SLC8B1: variants seen among roughly 807,000 people sequenced by gnomAD.
SLC8B1 encodes solute carrier family 8 member B1.
SLC8B1 carries 52 observed loss-of-function variants against 63.4 expected under a neutral mutation model. That is an observed-to-expected ratio of 0.82 (90% CI 0.66 to 1.03). The LOEUF (loss-of-function observed/expected upper bound fraction) is 1.03, where lower values mean the gene tolerates loss of function less well. SLC8B1 is among the 50% of genes least tolerant of loss of function. The probability of loss-of-function intolerance (pLI) is 0.00; values close to 1 mark genes in which losing one functional copy is unlikely to be tolerated. For missense variants in SLC8B1, 657 were observed against 741.7 expected, an observed-to-expected ratio of 0.89 and a Z score of 1.33; for synonymous variants, 336 against 323.9, an observed-to-expected ratio of 1.04 and a Z score of -0.40.
chr12:113,311,779 C>A (rs1335467274), intron 11 of SLC8B1, among the ~76,000 whole-genome samples: 7 of 146,062 alleles, frequency 4.8e-5, no homozygotes, highest in African/African-American at 1.8e-4. Flanking sequence ...TCACAGCTCA[C>A]TGCAGCCTCA....
At chr12:113,315,112 C>T (rs1956816376) in intron 11 of SLC8B1, among the ~76,000 whole-genome samples, 1 of 152,130 alleles carries the variant, frequency 6.6e-6, no homozygotes, top group Admixed American at 6.5e-5. Context: ...ATGGTGAAAC[C>T]CCGTCTCTGT....
rs1035097900 is a variant in SLC8B1, at chr12:113,319,678, T to C, written c.695-607A>G. On this transcript the variant is annotated intron_variant, in intron 7 of 15. Coordinates refer to ENST00000680972, the MANE Select transcript of SLC8B1 (RefSeq NM_001358345.2). The stretch of plus-strand genomic sequence containing the variant: ...TGGTTTCATTTTCCTTCTGTACAAA[T>C]TGTCCCTCCATTCATACCCCTTGAG... Among the ~76,000 whole-genome samples, 7 of 152,306 alleles carry C rather than the reference T, an allele frequency of 4.6e-5. No individual in the cohort carries two copies. The East Asian group carries it at 7.7e-4, about 17-fold the overall frequency.
At chr12:113,316,085 G>T (rs558595254) in intron 10 of SLC8B1, among the ~76,000 whole-genome samples, 1 of 152,072 alleles carries the variant, frequency 6.6e-6, no homozygotes, top group East Asian at 1.9e-4. Flanking sequence ...TTAGCCAGGC[G>T]TGGTGGCGGG....
At chr12:113,321,745 C>T (rs1029421371) in intron 2 of SLC8B1, among the ~76,000 whole-genome samples, 1 of 151,078 alleles carries the variant, frequency 6.6e-6, no homozygotes, top group Non-Finnish European at 1.5e-5. Context: ...ATGGATCCAT[C>T]CCAAATCTCT....
chr12:113,332,145 C>T (rs976456492), intron 2 of SLC8B1, among the ~76,000 whole-genome samples: 1 of 152,206 alleles, frequency 6.6e-6, no homozygotes, highest in South Asian at 2.1e-4. Context: ...ATATCACCCC[C>T]TCACAGAAGC....
chr12:113,301,730 G>A (rs1389861955), intron 15 of SLC8B1, among the ~76,000 whole-genome samples: 2 of 152,156 alleles, frequency 1.3e-5, no homozygotes, highest in Non-Finnish European at 2.9e-5. Flanking sequence ...AGGCACTGTC[G>A]TCTTTGATCT....
At chr12:113,328,426 C>T (rs763129256) in intron 2 of SLC8B1, among the ~76,000 whole-genome samples, 1 of 152,132 alleles carries the variant, frequency 6.6e-6, no homozygotes, top group Non-Finnish European at 1.5e-5. Context: ...TGGCCTCCTA[C>T]CCCCAATCTT....
At chr12:113,310,388 C>A in intron 11 of SLC8B1, 33 bp from the exon 12 acceptor site, 1 of 1,603,280 alleles carries the variant, frequency 6.2e-7, no homozygotes, top group South Asian at 1.1e-5. Context: ...CTGATACCTT[C>A]CCAGCACCTC....
At chr12:113,332,600 T>C in intron 2 of SLC8B1, 123 bp downstream of exon 2, 1 of 1,200,230 alleles carries the variant, frequency 8.3e-7, no homozygotes, top group Non-Finnish European at 1.1e-6. Flanking sequence ...ATTTTGTCTC[T>C]ATTGTTCCCC....
chr12:113,331,905 T>C (rs1957060026), intron 2 of SLC8B1, among the ~76,000 whole-genome samples: 2 of 152,108 alleles, frequency 1.3e-5, no homozygotes, highest in South Asian at 4.1e-4. Flanking sequence ...AGCCGCAGCC[T>C]GTAAGGCCTT....
intron 8 of SLC8B1, 46 bp from the exon 9 acceptor site, chr12:113,317,047 G>T: frequency 6.4e-7 from 1 of 1,561,736 alleles, no homozygotes; most frequent in Non-Finnish European, 8.8e-7. Flanking sequence ...GACCATTTTC[G>T]AGGGGGCACA....
At chr12:113,312,575 C>T (rs1165150553) in intron 11 of SLC8B1, among the ~76,000 whole-genome samples, 15 of 152,152 alleles carry the variant, frequency 9.9e-5, no homozygotes, top group Non-Finnish European at 1.6e-4. Context: ...AGTCACAGCA[C>T]CCCTTCAGGC....
chr12:113,317,047 G>A lies in SLC8B1; in HGVS notation c.803-46C>T, dbSNP rs140482404. On this transcript the variant is annotated intron_variant, in intron 8 of 15. Coordinates refer to ENST00000680972, the MANE Select transcript of SLC8B1 (RefSeq NM_001358345.2). ...TACATACAGAACCCAGACCATTTTCGAGGGGGCACACTGGGACAGAGCAGG... is the reference window on the plus strand; with the variant it reads ...TACATACAGAACCCAGACCATTTTCAAGGGGGCACACTGGGACAGAGCAGG... 7.6e-4 allele frequency: 1,181 copies of A among 1,561,730 alleles called. 9 individuals carry two copies. In the African/African-American group the frequency reaches 0.013, roughly 18 times the overall value.
At chr12:113,317,814 T>C (rs1240230600) in intron 8 of SLC8B1, among the ~76,000 whole-genome samples, 2 of 150,192 alleles carry the variant, frequency 1.3e-5, no homozygotes, top group Non-Finnish European at 2.9e-5. Context: ...TGTGTGTGCA[T>C]GTATTTGTGT....
At chr12:113,319,806 T>A (rs1956895138) in intron 7 of SLC8B1, among the ~76,000 whole-genome samples, 1 of 152,200 alleles carries the variant, frequency 6.6e-6, no homozygotes, top group Admixed American at 6.5e-5. Context: ...TTTCTTTTTT[T>A]TGAGACAGAG....
In SLC8B1 at chr12:113,321,293, T is replaced by C. The variant is rs1593254920; in HGVS notation, c.212A>G (p.Asn71Ser). Residue 71 changes from asparagine (N) to serine (S), a missense_variant, in exon 3 of 16, where the codon AAC (asparagine) becomes AGC (serine). Physicochemically the swap from Asn to Ser is conservative, Grantham distance 46. Coordinates refer to ENST00000680972, the MANE Select transcript of SLC8B1 (RefSeq NM_001358345.2). ...CCCCCCATCACTGTGGCAGTCAGGG[T>C]TGGTCCGGATGAAGTCACAGCGGTC... ...VSDRCDFIRT[N>S]PDCHSDGGYL... The C allele has an allele frequency of 1.2e-6, 2 of 1,614,076 alleles. No individual in the cohort carries two copies. Among genetic ancestry groups the C allele is most frequent in the Non-Finnish European group, 8.5e-7 (1 of 1,180,012 alleles).
rs1956531200 is a variant in SLC8B1, at chr12:113,299,180, GA to G, written c.*596del. 1 of 156,044 alleles carries G rather than the reference GA, an allele frequency of 6.4e-6. No individual in the cohort carries two copies. Among genetic ancestry groups the G allele is most frequent in the African/African-American group, 2.4e-5 (1 of 41,470 alleles). 9.7% of individuals were successfully genotyped at this position (156,044 alleles called of 1,614,324 possible). Reference sequence around the variant, plus strand: ...TGGGTTCAGTGAAGTGTGTTGCCACGAATAGCACCCGCTGCTTTTGGCTTTA... The same window carrying G: ...TGGGTTCAGTGAAGTGTGTTGCCACGATAGCACCCGCTGCTTTTGGCTTTA... On this transcript the variant is annotated 3_prime_UTR_variant, in exon 16 of 16. Coordinates refer to ENST00000680972, the MANE Select transcript of SLC8B1 (RefSeq NM_001358345.2).
At chr12:113,315,193 G>T in intron 11 of SLC8B1, 142 bp downstream of exon 11, 1 of 825,942 alleles carries the variant, frequency 1.2e-6, no homozygotes, top group Non-Finnish European at 1.7e-6. Flanking sequence ...GGCTTAGATG[G>T]GATGATTGCT....
rs565251324 is a variant in SLC8B1, at chr12:113,327,518, C to T, written c.156+5205G>A. 5.9e-5 allele frequency among the ~76,000 whole-genome samples: 9 copies of T among 151,582 alleles called. No homozygotes were observed. In the South Asian group the frequency reaches 1.9e-3, roughly 32 times the overall value. On this transcript the variant is annotated intron_variant, in intron 2 of 15. Transcript: ENST00000680972. ...TGGCCAACATGGTGAAACTCCATCT[C>T]CACTAAAAATATAAAAATTAGCCAG...
Sources: gnomAD v4.1 joint callset for allele counts (sites outside exome capture counted in the v4.1 genomes callset) on GRCh38, gnomAD v4.1.1 for gene constraint, MANE v1.5 for transcripts, NCBI Gene and HGNC (gene_info 2026-07-23, HGNC 2026-07-21) for gene names.